The following SEC14L1 variants were observed in gnomAD, a reference collection of about 807,000 sequenced individuals.
SEC14L1 encodes SEC14-like protein 1.
SEC14L1 carries 48 observed loss-of-function variants against 85.3 expected under a neutral mutation model. The ratio of observed to expected loss-of-function variants is 0.56; its 90% CI spans 0.45 to 0.72. The LOEUF is 0.72. SEC14L1 is among the 30% of genes least tolerant of loss of function. The pLI, the probability that SEC14L1 is intolerant of heterozygous loss-of-function variation, is 0.00. For missense variants in SEC14L1, 682 were observed against 921.4 expected, an observed-to-expected ratio of 0.74 and a Z score of 3.36; for synonymous variants, 391 against 355.5, an observed-to-expected ratio of 1.10 and a Z score of -1.12.
chr17:77,180,096 A>G (rs532010806), intron 3 of SEC14L1, among the ~76,000 whole-genome samples: 25 of 146,450 alleles, frequency 1.7e-4, no homozygotes, highest in African/African-American at 6.1e-4. Flanking sequence ...ATGTTATGTT[A>G]TGTTACTTTA....
intron 3 of SEC14L1, among the ~76,000 whole-genome samples, chr17:77,153,161 G>A (rs1051619013): frequency 6.6e-6 from 1 of 152,128 alleles, no homozygotes; most frequent in Non-Finnish European, 1.5e-5. Flanking sequence ...TCCGCCTCCC[G>A]GGTTCCAGCG....
chr17:77,091,277 G>T (rs571690418), intron 2 of SEC14L1, among the ~76,000 whole-genome samples: 1 of 151,980 alleles, frequency 6.6e-6, no homozygotes, highest in Non-Finnish European at 1.5e-5. Flanking sequence ...TAGTAGAGAC[G>T]GGGTTTCATC....
chr17:77,089,126 G>C, intron 1 of SEC14L1: 1 of 310,540 alleles, frequency 3.2e-6, no homozygotes, highest in Non-Finnish European at 6.1e-6. Context: ...TCCTTTTAAA[G>C]CACATTATGT....
chr17:77,207,627 T>G (rs1328492602), intron 13 of SEC14L1, among the ~76,000 whole-genome samples: 1 of 152,094 alleles, frequency 6.6e-6, no homozygotes, highest in South Asian at 2.1e-4. Flanking sequence ...AATTGTTTTA[T>G]TTTTAGTAGA....
chr17:77,201,728 C>T (rs899804054), intron 9 of SEC14L1, among the ~76,000 whole-genome samples: 15 of 152,106 alleles, frequency 9.9e-5, no homozygotes, highest in African/African-American at 2.2e-4. Context: ...GAATTACAGG[C>T]GTGAGCCATT....
Position 77,170,844 on chromosome 17 carries a change from C to T in SEC14L1, c.64-19959C>T, listed in dbSNP as rs564120166. 2.6e-5 allele frequency among the ~76,000 whole-genome samples: 4 copies of T among 152,242 alleles called. No homozygotes were observed. In the South Asian group the frequency reaches 8.3e-4, roughly 32 times the overall value. ...TGAGTGAGCCCTTTAATAACGAGGG[C>T]AGTGAATTGGGTTCTATTGTCTGAA... On this transcript the variant is annotated intron_variant, in intron 3 of 16. Coordinates refer to ENST00000436233, the MANE Select transcript of SEC14L1 (RefSeq NM_001143998.2).
intron 3 of SEC14L1, among the ~76,000 whole-genome samples, chr17:77,176,541 A>G (rs1385396521): frequency 2.0e-5 from 3 of 152,018 alleles, no homozygotes; most frequent in African/African-American, 7.2e-5. Context: ...TGACAACATT[A>G]TTTTTTCCCC....
At chr17:77,144,485 G>A (rs1043618781) in intron 3 of SEC14L1, among the ~76,000 whole-genome samples, 31 of 152,206 alleles carry the variant, frequency 2.0e-4, no homozygotes, top group African/African-American at 6.8e-4. Context: ...AAATAGAAAC[G>A]CAGGTGTTTT....
Position 77,190,920 on chromosome 17 carries a change from C to T in SEC14L1, c.181C>T (p.Leu61=). The part of the protein sequence containing the change: ...AIHVIERRCK[L]DVDAPRLLKK... ...TCATGTCATTGAAAGGCGCTGCAAG[C>T]TGGATGTAGATGCACCCAGACTGCT... The change falls in exon 4 of 17, where the codon CTG becomes TTG. Residue 61 remains leucine, a synonymous_variant. Transcript: ENST00000436233. The T allele has an allele frequency of 6.2e-7, 1 of 1,614,166 alleles. No homozygotes were observed. Among genetic ancestry groups the T allele is most frequent in the Non-Finnish European group, 8.5e-7 (1 of 1,180,028 alleles).
intron 5 of SEC14L1, among the ~76,000 whole-genome samples, chr17:77,192,509 C>T (rs972337061): frequency 6.6e-6 from 1 of 152,158 alleles, no homozygotes; most frequent in African/African-American, 2.4e-5. Flanking sequence ...CAGTGGGCCT[C>T]CCCCAGGGGC....
At chr17:77,169,281 CGAG>C (rs894422209) in intron 3 of SEC14L1, among the ~76,000 whole-genome samples, 2 of 152,102 alleles carry the variant, frequency 1.3e-5, no homozygotes, top group Non-Finnish European at 2.9e-5. Flanking sequence ...AGAGAAGACA[CGAG>C]GTAAAATTAA....
At position 77,216,415 on chromosome 17, in the gene SEC14L1, TA is replaced by T; in HGVS notation, c.*2393del. On this transcript the variant is annotated 3_prime_UTR_variant, in exon 17 of 17. Transcript: ENST00000436233. ...AGGGCTAGTAGGTAGGGTTCGTAGG[TA>T]GGGTTCGTAGGTAGGGTTCGTAGGT... is the stretch of plus-strand genomic sequence containing the variant. 1.3e-6 allele frequency: 2 copies of T among 1,555,502 alleles called. No individual in the cohort carries two copies. Among genetic ancestry groups the T allele is most frequent in the South Asian group, 1.2e-5 (1 of 82,212 alleles).
intron 8 of SEC14L1, among the ~76,000 whole-genome samples, chr17:77,196,715 CT>C (rs1975824382): frequency 6.6e-6 from 1 of 152,008 alleles, no homozygotes; most frequent in Admixed American, 6.6e-5. Flanking sequence ...TATGGTAAGC[CT>C]TATGTAGTGA....
At chr17:77,199,736 A>G (rs1436738251) in intron 8 of SEC14L1, among the ~76,000 whole-genome samples, 4 of 152,218 alleles carry the variant, frequency 2.6e-5, no homozygotes, top group Admixed American at 6.5e-5. Flanking sequence ...CCTTTGCTCT[A>G]CTTTGCGGAA....
intron 3 of SEC14L1, among the ~76,000 whole-genome samples, chr17:77,097,116 A>G (rs1971665812): frequency 6.6e-6 from 1 of 152,224 alleles, no homozygotes; most frequent in Non-Finnish European, 1.5e-5. Flanking sequence ...TTTTCTTTGT[A>G]AGGAATCCAG....
intron 3 of SEC14L1, among the ~76,000 whole-genome samples, chr17:77,132,927 A>G (rs570188613): frequency 5.0e-4 from 76 of 151,330 alleles, no homozygotes; most frequent in African/African-American, 1.7e-3. Flanking sequence ...CAGTGGTGCA[A>G]TCATGACTCA....
intron 14 of SEC14L1, chr17:77,210,637 T>C (rs550509310): frequency 6.6e-6 from 1 of 152,200 alleles, no homozygotes; most frequent in East Asian, 1.9e-4. Context: ...CAGAGACAGA[T>C]TTGGTGTGCC....
chr17:77,210,649 T>C (rs1976697864), intron 14 of SEC14L1: 2 of 152,214 alleles, frequency 1.3e-5, no homozygotes, highest in African/African-American at 4.8e-5. Flanking sequence ...TGGTGTGCCT[T>C]ACTTGTAGAT....
chr17:77,201,598 G>C (rs1434610045), intron 9 of SEC14L1, among the ~76,000 whole-genome samples: 2 of 151,984 alleles, frequency 1.3e-5, no homozygotes, highest in African/African-American at 2.4e-5. Flanking sequence ...CTACAGGTGT[G>C]CACCACCACG....
Sources: gnomAD v4.1 joint callset for allele counts (sites outside exome capture counted in the v4.1 genomes callset) on GRCh38, gnomAD v4.1.1 for gene constraint, MANE v1.5 for transcripts, NCBI Gene and HGNC (gene_info 2026-07-23, HGNC 2026-07-21) for gene names.